Variants in CSMD1 observed in about 807,000 individuals in gnomAD.
The protein encoded by CSMD1 is CUB and sushi domain-containing protein 1.
Under a neutral mutation model 417.5 loss-of-function variants are expected in CSMD1, and 213 were observed. That is an observed-to-expected ratio of 0.51 (90% CI 0.46 to 0.57). The LOEUF (loss-of-function observed/expected upper bound fraction) is 0.57. Among genes scored for constraint, CSMD1 ranks in the 20% least tolerant of loss-of-function variants. CSMD1 has a pLI of 0.00. For synonymous variants in CSMD1, 2,862 were observed against 1,736.8 expected (o/e 1.65, Z -16.11); for missense variants, 6,923 against 4,529.7 (o/e 1.53, Z -15.17).
rs533076222 is a variant in CSMD1, at chr8:4,739,199, T to C, written c.86-101641A>G. Reference sequence around the variant, plus strand: ...TAGATCCCGTGTATTTGTTCAATAATTCTATCTATTAAAGCAATCCTATGT... The same window carrying C: ...TAGATCCCGTGTATTTGTTCAATAACTCTATCTATTAAAGCAATCCTATGT... On this transcript the variant is annotated intron_variant, in intron 1 of 69. Coordinates refer to ENST00000635120, the MANE Select transcript of CSMD1 (RefSeq NM_033225.6). Among the ~76,000 whole-genome samples the C allele has an allele frequency of 8.5e-5, 13 of 152,362 alleles. No individual in the cohort carries two copies. In the East Asian group the frequency reaches 2.1e-3, roughly 25 times the overall value.
At chr8:3,094,508 C>T (rs1338379684) in intron 47 of CSMD1, among the ~76,000 whole-genome samples, 1 of 152,096 alleles carries the variant, frequency 6.6e-6, no homozygotes, top group Non-Finnish European at 1.5e-5. Context: ...TCTTTAAAAG[C>T]ACATATTCAA....
intron 1 of CSMD1, among the ~76,000 whole-genome samples, chr8:4,766,556 C>T (rs749907433): frequency 3.3e-5 from 5 of 152,204 alleles, no homozygotes; most frequent in Non-Finnish European, 4.4e-5. Flanking sequence ...GAGAAATATG[C>T]TTTCTGCCCA....
At chr8:4,759,308 G>C (rs755419211) in intron 1 of CSMD1, among the ~76,000 whole-genome samples, 1 of 152,182 alleles carries the variant, frequency 6.6e-6, no homozygotes, top group Admixed American at 6.5e-5. Context: ...AGCCAAGAGG[G>C]CATCTGGTCT....
intron 3 of CSMD1, among the ~76,000 whole-genome samples, chr8:4,049,406 G>T (rs60643164): frequency 6.6e-6 from 1 of 151,064 alleles, no homozygotes; most frequent in African/African-American, 2.4e-5. Flanking sequence ...CGTCATCTGC[G>T]GAGAAAAATT....
At chr8:3,421,088 CT>C (rs1813459836) in intron 12 of CSMD1, among the ~76,000 whole-genome samples, 1 of 152,160 alleles carries the variant, frequency 6.6e-6, no homozygotes, top group Admixed American at 6.5e-5. Context: ...GCTTCATTTG[CT>C]GATTCTATGC....
At chr8:3,911,073 C>T (rs117317768) in intron 5 of CSMD1, among the ~76,000 whole-genome samples, 2,000 of 152,192 alleles carry the variant, frequency 0.013, 19 homozygotes, top group Non-Finnish European at 0.02. Flanking sequence ...TGGAGATGAC[C>T]AGAAAATTCT....
chr8:3,026,201 G>T (rs540008246), intron 51 of CSMD1, among the ~76,000 whole-genome samples: 2 of 152,184 alleles, frequency 1.3e-5, no homozygotes, highest in African/African-American at 4.8e-5. Context: ...CTGGTGGGGT[G>T]GGGGACAGAG....
intron 1 of CSMD1, among the ~76,000 whole-genome samples, chr8:4,782,434 T>C (rs10106456): frequency 0.078 from 11,914 of 152,224 alleles, 650 homozygotes; most frequent in East Asian, 0.28. Flanking sequence ...CACAGTTTTA[T>C]TTTCATTACA....
At chr8:3,461,110 A>G (rs1487019130) in intron 12 of CSMD1, among the ~76,000 whole-genome samples, 1 of 152,188 alleles carries the variant, frequency 6.6e-6, no homozygotes, top group African/African-American at 2.4e-5. Context: ...AGGTCCCACC[A>G]TCAGATGCGG....
chr8:3,877,404 T>G (rs963641505), intron 5 of CSMD1, among the ~76,000 whole-genome samples: 1 of 152,194 alleles, frequency 6.6e-6, no homozygotes, highest in Non-Finnish European at 1.5e-5. Flanking sequence ...CCACGTTCCA[T>G]ACAGGCTCAG....
At chr8:3,436,853 C>A (rs78646251) in intron 12 of CSMD1, among the ~76,000 whole-genome samples, 1 of 151,934 alleles carries the variant, frequency 6.6e-6, no homozygotes. Flanking sequence ...TGTTATGATT[C>A]GGGATTATTA....
intron 3 of CSMD1, among the ~76,000 whole-genome samples, chr8:4,314,907 A>G (rs989307447): frequency 3.9e-5 from 6 of 152,172 alleles, no homozygotes; most frequent in African/African-American, 1.4e-4. Context: ...TTGGGCTCCT[A>G]AAAACACAGA....
At chr8:3,995,508 G>A (rs1815141098) in intron 5 of CSMD1, among the ~76,000 whole-genome samples, 1 of 152,290 alleles carries the variant, frequency 6.6e-6, no homozygotes, top group African/African-American at 2.4e-5. Flanking sequence ...CTCTGACAGG[G>A]CATTGAAGCT....
intron 2 of CSMD1, among the ~76,000 whole-genome samples, chr8:4,572,378 C>G (rs919231046): frequency 6.6e-6 from 1 of 152,246 alleles, no homozygotes; most frequent in Non-Finnish European, 1.5e-5. Context: ...GCTTATGAAG[C>G]TTAGTTTGGC....
intron 5 of CSMD1, among the ~76,000 whole-genome samples, chr8:3,878,231 C>T (rs1205080434): frequency 6.6e-6 from 1 of 152,010 alleles, no homozygotes; most frequent in Non-Finnish European, 1.5e-5. Context: ...AGTGAGAAGT[C>T]GAGATGATAA....
chr8:4,501,874 G>A (rs1027000874), intron 2 of CSMD1, among the ~76,000 whole-genome samples: 3 of 152,106 alleles, frequency 2.0e-5, no homozygotes, highest in Non-Finnish European at 4.4e-5. Context: ...CATGCTACAT[G>A]CAGGCTTTGG....
intron 3 of CSMD1, among the ~76,000 whole-genome samples, chr8:4,320,626 G>T (rs1305155194): frequency 6.6e-6 from 1 of 151,782 alleles, no homozygotes; most frequent in Non-Finnish European, 1.5e-5. Flanking sequence ...TTCTGTTCTT[G>T]TGTTACTTTG....
chr8:4,696,953 C>A (rs183393490), intron 1 of CSMD1, among the ~76,000 whole-genome samples: 1 of 152,270 alleles, frequency 6.6e-6, no homozygotes, highest in African/African-American at 2.4e-5. Flanking sequence ...CTGGGTAGAT[C>A]ATGAGGTCAG....
intron 26 of CSMD1, among the ~76,000 whole-genome samples, chr8:3,277,279 G>T (rs1414027921): frequency 6.6e-6 from 1 of 152,142 alleles, no homozygotes; most frequent in African/African-American, 2.4e-5. Context: ...GAAGATAGGG[G>T]AGAGTTCTAA....
Sources: allele counts gnomAD v4.1 joint callset (sites outside exome capture counted in the v4.1 genomes callset), GRCh38; gene constraint gnomAD v4.1.1; transcripts MANE v1.5; gene names NCBI Gene and HGNC (gene_info 2026-07-23, HGNC 2026-07-21).